Variants in SLC4A4 observed in about 807,000 individuals in gnomAD.
SLC4A4 encodes electrogenic sodium bicarbonate cotransporter 1.
SLC4A4 carries 27 observed loss-of-function variants against 111.5 expected under a neutral mutation model. That is an observed-to-expected ratio of 0.24 (90% CI 0.18 to 0.33). SLC4A4 has a LOEUF of 0.33. Ranked by LOEUF, SLC4A4 falls within the 10% of genes least tolerant of loss-of-function variation. The pLI, the probability that SLC4A4 is intolerant of heterozygous loss-of-function variation, is 1.00. For missense variants in SLC4A4, 909 were observed against 1,315.5 expected (o/e 0.69, Z 4.78); for synonymous variants, 443 against 463.4 (o/e 0.96, Z 0.57).
chr4:71,218,304 A>C (rs1169634422), intron 1 of SLC4A4, among the ~76,000 whole-genome samples: 1 of 152,238 alleles, frequency 6.6e-6, no homozygotes, highest in Non-Finnish European at 1.5e-5. Flanking sequence ...GGTTTGTCTC[A>C]ACTGGTTATG....
At chr4:71,486,829 A>T (rs1729444753) in intron 14 of SLC4A4, 119 bp from the exon 15 acceptor site, 1 of 604,768 alleles carries the variant, frequency 1.7e-6, no homozygotes. Flanking sequence ...TTGTGCCCTT[A>T]TGTTGTTATT....
At chr4:71,118,343 C>T (rs1465194346) in intron 2 of SLC4A4, among the ~76,000 whole-genome samples, 1 of 152,114 alleles carries the variant, frequency 6.6e-6, no homozygotes, top group Non-Finnish European at 1.5e-5. Flanking sequence ...TCCTTTTCTT[C>T]GATAATACAA....
chr4:71,307,362 A>T (rs1054552334), intron 3 of SLC4A4, among the ~76,000 whole-genome samples: 1 of 152,134 alleles, frequency 6.6e-6, no homozygotes, highest in African/African-American at 2.4e-5. Flanking sequence ...GTTTTTAATT[A>T]TTTAAGGTGA....
chr4:71,330,441 C>T (rs1727879133), intron 3 of SLC4A4, among the ~76,000 whole-genome samples: 1 of 152,118 alleles, frequency 6.6e-6, no homozygotes, highest in Non-Finnish European at 1.5e-5. Context: ...ACATCTACAA[C>T]TATCTGATCT....
intron 2 of SLC4A4, among the ~76,000 whole-genome samples, chr4:71,143,700 T>G (rs151177146): frequency 6.6e-6 from 1 of 152,232 alleles, no homozygotes; most frequent in Non-Finnish European, 1.5e-5. Context: ...TGATGGCCAG[T>G]GATGATAGCA....
chr4:71,139,797 G>T (rs568453490), intron 2 of SLC4A4, among the ~76,000 whole-genome samples: 321 of 152,168 alleles, frequency 2.1e-3, no homozygotes, highest in South Asian at 3.7e-3. Context: ...GATCAAATCA[G>T]GGTTTTTAGG....
At chr4:71,527,718 T>C (rs1733545962) in intron 16 of SLC4A4, among the ~76,000 whole-genome samples, 1 of 151,940 alleles carries the variant, frequency 6.6e-6, no homozygotes, top group South Asian at 2.1e-4. Flanking sequence ...GGAGGAGAGC[T>C]ATCTGCCTTT....
intron 7 of SLC4A4, among the ~76,000 whole-genome samples, chr4:71,435,146 T>C (rs543525667): frequency 1.3e-5 from 2 of 152,166 alleles, no homozygotes; most frequent in Non-Finnish European, 2.9e-5. Flanking sequence ...TCACACTACC[T>C]GACTTCAAAC....
chr4:71,173,262 T>C (rs1744991563), intron 2 of SLC4A4, among the ~76,000 whole-genome samples: 1 of 152,226 alleles, frequency 6.6e-6, no homozygotes, highest in Admixed American at 6.5e-5. Context: ...CAGAAGTATA[T>C]GTAGGTATTG....
chr4:71,164,575 G>A lies in SLC4A4; in HGVS notation c.-2+71783G>A, dbSNP rs550631926. ...AACAAACAAACAAACAAAAAAACCC[G>A]TAAGACCTAAAACCATAAAAACACC... On this transcript the variant is annotated intron_variant, in intron 2 of 26. Coordinates refer to the SLC4A4 transcript ENST00000649996. 7.5e-3 allele frequency among the ~76,000 whole-genome samples: 1,140 copies of A among 151,986 alleles called. 13 individuals carry two copies. Among genetic ancestry groups the A allele is most frequent in the Middle Eastern group, 0.027 (8 of 294 alleles).
chr4:71,552,192 T>C (rs1054547396), intron 20 of SLC4A4, among the ~76,000 whole-genome samples: 3 of 151,948 alleles, frequency 2.0e-5, no homozygotes, highest in African/African-American at 4.8e-5. Flanking sequence ...ATATACTCTT[T>C]ATCATACCCT....
At chr4:71,295,474 A>T (rs927847355) in intron 3 of SLC4A4, among the ~76,000 whole-genome samples, 4 of 152,224 alleles carry the variant, frequency 2.6e-5, no homozygotes, top group Admixed American at 1.3e-4. Flanking sequence ...GCAATCATAG[A>T]ACTGAATTCC....
chr4:71,375,930 T>C (rs1732307286), intron 6 of SLC4A4, among the ~76,000 whole-genome samples: 1 of 151,896 alleles, frequency 6.6e-6, no homozygotes, highest in Admixed American at 6.6e-5. Flanking sequence ...ACTGTAGTCC[T>C]GATTCTCAAA....
At chr4:71,329,603 A>T (rs1490781026) in intron 3 of SLC4A4, among the ~76,000 whole-genome samples, 1 of 151,916 alleles carries the variant, frequency 6.6e-6, no homozygotes, top group Non-Finnish European at 1.5e-5. Flanking sequence ...TACTTTCTTG[A>T]TTTCTTTTTC....
upstream of SLC4A4, among the ~76,000 whole-genome samples, chr4:71,185,203 T>C (rs1052999127): frequency 6.6e-6 from 1 of 152,236 alleles, no homozygotes; most frequent in African/African-American, 2.4e-5. Flanking sequence ...TGAGTGTTCA[T>C]GGCTGCTTCA....
At chr4:71,552,289 T>A (rs183304435) in intron 20 of SLC4A4, among the ~76,000 whole-genome samples, 1 of 151,986 alleles carries the variant, frequency 6.6e-6, no homozygotes, top group East Asian at 2.0e-4. Flanking sequence ...AAACTAGGCC[T>A]GTCTGACTTT....
intron 6 of SLC4A4, among the ~76,000 whole-genome samples, chr4:71,367,730 G>A (rs1231636979): frequency 6.6e-6 from 1 of 152,210 alleles, no homozygotes; most frequent in African/African-American, 2.4e-5. Context: ...CATCAGATTT[G>A]CCTCAAACAG....
chr4:71,539,050 A>G (rs1390982964), intron 18 of SLC4A4, among the ~76,000 whole-genome samples: 2 of 152,160 alleles, frequency 1.3e-5, no homozygotes, highest in Non-Finnish European at 2.9e-5. Context: ...AGAAATAGAT[A>G]TGAGGTGGTT....
chr4:71,484,790 T>C (rs1729217836), intron 14 of SLC4A4, among the ~76,000 whole-genome samples: 1 of 151,686 alleles, frequency 6.6e-6, no homozygotes, highest in Admixed American at 6.6e-5. Flanking sequence ...TATCCATGAG[T>C]GTAGAATGTT....
Sources: gnomAD v4.1 joint callset for allele counts (sites outside exome capture counted in the v4.1 genomes callset) on GRCh38, gnomAD v4.1.1 for gene constraint, MANE v1.5 for transcripts, NCBI Gene and HGNC (gene_info 2026-07-23, HGNC 2026-07-21) for gene names.